DNAH8: variants seen among roughly 807,000 people sequenced by gnomAD.
The protein encoded by DNAH8 is axonemal beta dynein heavy chain 8.
DNAH8 carries 382 observed loss-of-function variants against 562.1 expected under a neutral mutation model. The ratio of observed to expected loss-of-function variants is 0.68; its 90% CI spans 0.63 to 0.74. DNAH8 has a LOEUF of 0.74. DNAH8 is among the 30% of genes least tolerant of loss of function. The pLI is 0.00. For synonymous variants in DNAH8, 1,881 were observed against 1,919.4 expected, an observed-to-expected ratio of 0.98 and a Z score of 0.52; for missense variants, 5,203 against 5,620.4, an observed-to-expected ratio of 0.93 and a Z score of 2.37.
At chr6:38,914,068 A>G in intron 67 of DNAH8, 116 bp downstream of exon 67, 1 of 727,226 alleles carries the variant, frequency 1.4e-6, no homozygotes, top group South Asian at 1.8e-5. Flanking sequence ...ATTCCTGATA[A>G]GATAGTGTTC....
chr6:38,730,029 C>A, intron 4 of DNAH8, 43 bp downstream of exon 4: 4 of 890,826 alleles, frequency 4.5e-6, no homozygotes, highest in Non-Finnish European at 7.3e-6. Context: ...TTAGTTCATG[C>A]ACGTTAAAGT....
At chr6:38,821,638 A>G (rs1005884667) in intron 26 of DNAH8, among the ~76,000 whole-genome samples, 3 of 152,118 alleles carry the variant, frequency 2.0e-5, no homozygotes, top group Admixed American at 6.5e-5. Context: ...ACCTCAGCTT[A>G]CTGCAGCCTC....
At chr6:38,923,915 G>A in intron 72 of DNAH8, 76 bp from the exon 73 acceptor site, 4 of 1,498,290 alleles carry the variant, frequency 2.7e-6, no homozygotes, top group East Asian at 2.3e-5. Flanking sequence ...CAGTAACAGA[G>A]CAAAACTGTG....
chr6:39,020,421 A>G (rs1306173853), intron 91 of DNAH8, among the ~76,000 whole-genome samples: 1 of 152,142 alleles, frequency 6.6e-6, no homozygotes, highest in African/African-American at 2.4e-5. Context: ...TCACCCAGGG[A>G]GCTTTTAACA....
chr6:38,950,286 G>A (rs1218998252), intron 81 of DNAH8, among the ~76,000 whole-genome samples: 1 of 151,776 alleles, frequency 6.6e-6, no homozygotes, highest in South Asian at 2.1e-4. Flanking sequence ...CATGAAAAAT[G>A]AGAGGTAGAG....
intron 88 of DNAH8, among the ~76,000 whole-genome samples, chr6:38,993,069 A>G (rs1236542274): frequency 9.9e-5 from 15 of 152,176 alleles, no homozygotes; most frequent in Admixed American, 9.8e-4. Context: ...GGAAGCATGT[A>G]CTTTTAAAAA....
chr6:38,776,033 A>C, intron 13 of DNAH8, 82 bp downstream of exon 13: 7 of 839,848 alleles, frequency 8.3e-6, no homozygotes, highest in Non-Finnish European at 1.4e-5. Context: ...AAATATTCAC[A>C]TGTAGTAAGT....
At chr6:38,779,895 G>C in intron 14 of DNAH8, 71 bp from the exon 15 acceptor site, 2 of 1,379,190 alleles carry the variant, frequency 1.5e-6, no homozygotes, top group Non-Finnish European at 2.0e-6. Flanking sequence ...TGAATGGATG[G>C]TTAGTATGAC....
chr6:39,023,945 C>T (rs986872616), intron 91 of DNAH8, among the ~76,000 whole-genome samples: 1 of 152,226 alleles, frequency 6.6e-6, no homozygotes, highest in African/African-American at 2.4e-5. Flanking sequence ...CATTAGGAGA[C>T]TTATGGCTGA....
In DNAH8 at chr6:38,722,793, A is replaced by C; in HGVS notation, c.-17A>C. On this transcript the variant is annotated 5_prime_UTR_variant, in exon 2 of 93. Transcript: ENST00000327475. ...AATTCTAGGTTTCGAAGTATAAAGC[A>C]TTCCGCACGACGGGGGATGGAGAAG... 1 of 1,561,460 alleles carries C rather than the reference A, an allele frequency of 6.4e-7. No homozygotes were observed. The highest frequency in any genetic ancestry group is 1.2e-5 in the South Asian group (1 of 83,634).
At chr6:38,969,712 G>C (rs1414582457) in intron 82 of DNAH8, among the ~76,000 whole-genome samples, 1 of 144,930 alleles carries the variant, frequency 6.9e-6, no homozygotes, top group Non-Finnish European at 1.5e-5. Context: ...TGTGTGTGGG[G>C]GGGAGTGGGG....
rs1274347654 is a variant in DNAH8, at chr6:38,886,912, G to A, written c.8381G>A (p.Gly2794Asp). 3.1e-6 allele frequency: 5 copies of A among 1,613,958 alleles called. No homozygotes were observed. The Admixed American group carries it at 8.3e-5, about 27-fold the overall frequency. Residue 2794 changes from glycine to aspartate, a missense_variant, in exon 57 of 93, where the codon GGT becomes GAT. Transcript: ENST00000327475. ...QLIAAMIHPG[G>D]GRNDIPQRLK... Reference sequence around the variant, plus strand: ...ATAGCAGCAATGATCCACCCTGGAGGTGGTCGAAATGATATTCCACAACGT... The same window carrying A: ...ATAGCAGCAATGATCCACCCTGGAGATGGTCGAAATGATATTCCACAACGT...
chr6:38,864,663 C>G (rs1323835962), intron 45 of DNAH8, among the ~76,000 whole-genome samples: 1 of 147,768 alleles, frequency 6.8e-6, no homozygotes, highest in Non-Finnish European at 1.5e-5. Flanking sequence ...TTGGCTAAAG[C>G]AAGTTTCACG....
intron 37 of DNAH8, among the ~76,000 whole-genome samples, chr6:38,849,601 C>A (rs1448626323): frequency 7.4e-6 from 1 of 135,538 alleles, no homozygotes; most frequent in Non-Finnish European, 1.6e-5. Flanking sequence ...TGGCCGATTT[C>A]CTTTGTACTA....
chr6:38,948,512 T>A (rs2150625626), intron 80 of DNAH8, among the ~76,000 whole-genome samples: 1 of 152,122 alleles, frequency 6.6e-6, no homozygotes, highest in East Asian at 1.9e-4. Flanking sequence ...CTAATTTTTT[T>A]ATTTTTAGTA....
At position 38,757,702 on chromosome 6, in the gene DNAH8, G is replaced by A. The variant is rs533780124; in HGVS notation, c.1515+1623G>A. On this transcript the variant is annotated intron_variant, in intron 10 of 92. Coordinates refer to ENST00000327475, the MANE Select transcript of DNAH8 (RefSeq NM_001206927.2). ...CCATCTTGAATTAATTTTTGTATAAGGTGTAAGGAAGGGATCCATTTTCAG... is the reference window on the plus strand; with the variant it reads ...CCATCTTGAATTAATTTTTGTATAAAGTGTAAGGAAGGGATCCATTTTCAG... 2.7e-4 allele frequency among the ~76,000 whole-genome samples: 41 copies of A among 152,276 alleles called. No homozygotes were observed. In the East Asian group the frequency reaches 6.2e-3, roughly 23 times the overall value.
At chr6:38,838,122 C>T (rs935250502) in intron 33 of DNAH8, 80 bp downstream of exon 33, 6 of 883,228 alleles carry the variant, frequency 6.8e-6, no homozygotes, top group Admixed American at 2.3e-5. Flanking sequence ...CCATTAAATC[C>T]TTTATCATGC....
intron 21 of DNAH8, among the ~76,000 whole-genome samples, chr6:38,800,257 G>A (rs1347410899): frequency 6.6e-6 from 1 of 150,940 alleles, no homozygotes; most frequent in Non-Finnish European, 1.5e-5. Context: ...TCTTGGGTAT[G>A]TATACCTAGG....
intron 87 of DNAH8, among the ~76,000 whole-genome samples, chr6:38,985,971 A>T (rs1033730385): frequency 6.6e-6 from 1 of 152,216 alleles, no homozygotes; most frequent in Non-Finnish European, 1.5e-5. Context: ...CATCCACTAC[A>T]AAAACCTAAG....
Sources: gnomAD v4.1 joint callset for allele counts (sites outside exome capture counted in the v4.1 genomes callset) on GRCh38, gnomAD v4.1.1 for gene constraint, MANE v1.5 for transcripts, NCBI Gene and HGNC (gene_info 2026-07-23, HGNC 2026-07-21) for gene names.